Variants in INPP4B observed in about 807,000 individuals in gnomAD.
INPP4B encodes the protein inositol polyphosphate 4-phosphatase type II.
INPP4B carries 55 observed loss-of-function variants against 122.5 expected under a neutral mutation model. That is an observed-to-expected ratio of 0.45 (90% CI 0.36 to 0.56). The LOEUF is 0.56. Among genes scored for constraint, INPP4B ranks in the 20% least tolerant of loss-of-function variants. The pLI is 0.00. For missense variants in INPP4B, 1,000 were observed against 1,097.7 expected (o/e 0.91, Z 1.26); for synonymous variants, 403 against 388.7 (o/e 1.04, Z -0.43).
At position 142,160,110 on chromosome 4, in the gene INPP4B, T is replaced by C. The variant is rs557808762; in HGVS notation, c.1563+248A>G. On this transcript the variant is annotated intron_variant, in intron 17 of 25. Transcript: ENST00000262992. ...TAAGGAAACATAAGAGTCTTGTAAC[T>C]GTGGCATCTTTACTTGGATGACAGA... Among the ~76,000 whole-genome samples the C allele has an allele frequency of 2.0e-5, 3 of 152,136 alleles. No homozygotes were observed. The South Asian group carries it at 6.2e-4, about 32-fold the overall frequency.
intron 2 of INPP4B, among the ~76,000 whole-genome samples, chr4:142,603,601 T>C (rs1464801628): frequency 4.6e-5 from 7 of 151,510 alleles, no homozygotes; most frequent in Admixed American, 4.6e-4. Context: ...GAGAACAAAC[T>C]GGAAAACCTA....
chr4:142,512,388 C>T (rs1824840055), intron 2 of INPP4B, among the ~76,000 whole-genome samples: 1 of 152,108 alleles, frequency 6.6e-6, no homozygotes, highest in South Asian at 2.1e-4. Flanking sequence ...TCACTATAAA[C>T]CCGATATTAC....
At chr4:142,145,645 G>A (rs909962282) in intron 18 of INPP4B, among the ~76,000 whole-genome samples, 195 bp downstream of exon 18, 1 of 151,974 alleles carries the variant, frequency 6.6e-6, no homozygotes, top group Non-Finnish European at 1.5e-5. Flanking sequence ...AACATTGCTA[G>A]CAGTTCCGAA....
chr4:142,072,910 C>T (rs1768387469), intron 25 of INPP4B, among the ~76,000 whole-genome samples: 1 of 151,996 alleles, frequency 6.6e-6, no homozygotes, highest in Admixed American at 6.6e-5. Flanking sequence ...GATAAAGAAC[C>T]TAAGGCCTCT....
chr4:142,208,575 T>C (rs777983100), intron 13 of INPP4B, 46 bp from the exon 14 acceptor site: 3 of 1,011,674 alleles, frequency 3.0e-6, no homozygotes, highest in Non-Finnish European at 4.5e-6. Flanking sequence ...TAATGATAAA[T>C]TAATATGTGT....
intron 7 of INPP4B, among the ~76,000 whole-genome samples, chr4:142,368,269 T>C (rs562210843): frequency 6.6e-6 from 1 of 152,162 alleles, no homozygotes; most frequent in Admixed American, 6.5e-5. Context: ...CTTCTCTGTA[T>C]CTATAGTTCC....
chr4:142,420,980 C>T (rs2149308697), intron 5 of INPP4B, among the ~76,000 whole-genome samples: 1 of 152,164 alleles, frequency 6.6e-6, no homozygotes, highest in African/African-American at 2.4e-5. Flanking sequence ...ATCACAAGAA[C>T]TTTATAAGGT....
At chr4:142,076,269 C>T (rs1457941057) in intron 25 of INPP4B, among the ~76,000 whole-genome samples, 1 of 152,036 alleles carries the variant, frequency 6.6e-6, no homozygotes, top group Admixed American at 6.6e-5. Context: ...ACATTTTGTT[C>T]AGGAAGTTGA....
At chr4:142,715,246 G>A (rs899203801) in intron 2 of INPP4B, among the ~76,000 whole-genome samples, 8 of 152,328 alleles carry the variant, frequency 5.3e-5, no homozygotes, top group African/African-American at 1.9e-4. Flanking sequence ...AGAACCATGA[G>A]ATGATTAAAA....
rs143319158 is a variant in INPP4B at position 142,480,693 on chromosome 4, A to G, written c.-190-17967T>C. Among the ~76,000 whole-genome samples the G allele has an allele frequency of 3.6e-3, 542 of 152,274 alleles. 5 individuals carry two copies. Among genetic ancestry groups the G allele is most frequent in the African/African-American group, 0.012 (509 of 41,562 alleles). On this transcript the variant is annotated intron_variant, in intron 2 of 25. Transcript: ENST00000262992. ...CTAAATAATGAAGTGGGTAAAGCGA[A>G]TGAGTTGATGATAAATAAGGTCTTT...
chr4:142,123,416 C>A lies in INPP4B; in HGVS notation c.1894-1G>T. 1.9e-6 allele frequency: 3 copies of A among 1,598,416 alleles called. No individual in the cohort carries two copies. Among genetic ancestry groups the A allele is most frequent in the African/African-American group, 1.4e-5 (1 of 73,724 alleles). ...TAAAACCACAAACCAATCCAGCAAG[C>A]TGAAAAAAAAATATTGATGAGATTT... On this transcript the variant is annotated splice_acceptor_variant, in intron 19 of 25. Coordinates refer to ENST00000262992, the MANE Select transcript of INPP4B (RefSeq NM_001101669.3). LOFTEE classifies it high-confidence loss of function.
chr4:142,550,510 A>G (rs1727705434), intron 2 of INPP4B, among the ~76,000 whole-genome samples: 1 of 151,800 alleles, frequency 6.6e-6, no homozygotes, highest in Non-Finnish European at 1.5e-5. Flanking sequence ...AAGGGAACTT[A>G]TCCAGAATAG....
chr4:142,222,333 C>T (rs928535072), intron 12 of INPP4B, among the ~76,000 whole-genome samples: 1 of 152,200 alleles, frequency 6.6e-6, no homozygotes, highest in Non-Finnish European at 1.5e-5. Flanking sequence ...CTTGAGTCAT[C>T]CTTGACATTT....
intron 2 of INPP4B, among the ~76,000 whole-genome samples, chr4:142,636,306 T>A (rs2150451103): frequency 6.6e-6 from 1 of 152,152 alleles, no homozygotes; most frequent in East Asian, 1.9e-4. Context: ...ATACAGAAGG[T>A]AATATTTACA....
At chr4:142,097,470 T>C (rs908837486) in intron 23 of INPP4B, among the ~76,000 whole-genome samples, 6 of 151,978 alleles carry the variant, frequency 3.9e-5, no homozygotes, top group African/African-American at 1.4e-4. Context: ...TTGACCAGGC[T>C]GGTCTCAAAC....
chr4:142,331,708 C>T (rs992846737), intron 7 of INPP4B, among the ~76,000 whole-genome samples: 11 of 152,136 alleles, frequency 7.2e-5, no homozygotes, highest in African/African-American at 1.7e-4. Context: ...GAAAGATGCA[C>T]GCCAAGAATC....
intron 22 of INPP4B, among the ~76,000 whole-genome samples, chr4:142,110,908 A>G (rs1789685088): frequency 6.6e-6 from 1 of 152,114 alleles, no homozygotes; most frequent in Admixed American, 6.6e-5. Context: ...TATCTCTCTC[A>G]AGATCACAAT....
chr4:142,325,052 G>T (rs1771806820), intron 7 of INPP4B, among the ~76,000 whole-genome samples: 1 of 152,152 alleles, frequency 6.6e-6, no homozygotes, highest in Admixed American at 6.5e-5. Context: ...GCGTTGAAAG[G>T]TTCTCCTTGC....
intron 7 of INPP4B, among the ~76,000 whole-genome samples, chr4:142,365,150 T>G (rs1286485275): frequency 1.3e-5 from 2 of 152,064 alleles, no homozygotes; most frequent in African/African-American, 2.4e-5. Flanking sequence ...ATTTGAGTAA[T>G]GAAAAATGCC....
Sources: gnomAD v4.1 joint callset for allele counts (sites outside exome capture counted in the v4.1 genomes callset) on GRCh38, gnomAD v4.1.1 for gene constraint, MANE v1.5 for transcripts, NCBI Gene and HGNC (gene_info 2026-07-23, HGNC 2026-07-21) for gene names.